The following MDGA2 variants were observed in gnomAD, a reference collection of about 807,000 sequenced individuals.
MDGA2 encodes MAM domain containing glycosylphosphatidylinositol anchor 2.
In MDGA2, 40 loss-of-function variants were observed where a neutral mutation model predicts 117.8. That is an observed-to-expected ratio of 0.34 (90% confidence interval 0.26 to 0.44). MDGA2 has a LOEUF of 0.44. MDGA2 is among the 20% of genes least tolerant of loss of function. MDGA2 has a pLI of 1.00. For missense variants in MDGA2, 1,123 were observed against 1,250.6 expected (o/e 0.90, Z 1.54); for synonymous variants, 452 against 439.0 (o/e 1.03, Z -0.37).
chr14:47,022,574 A>G (rs1888325247), intron 8 of MDGA2, among the ~76,000 whole-genome samples: 2 of 152,174 alleles, frequency 1.3e-5, no homozygotes, highest in African/African-American at 4.8e-5. Flanking sequence ...TTAGGAGTTG[A>G]AGACTGAAAT....
At position 47,272,928 on chromosome 14, in the gene MDGA2, C is replaced by T. The variant is rs2139708189; in HGVS notation, c.420+28483G>A. Among the ~76,000 whole-genome samples the T allele has an allele frequency of 1.3e-5, 2 of 152,206 alleles. 1 individual carries two copies. The highest frequency in any genetic ancestry group is 4.1e-4 in the South Asian group (2 of 4,824). On this transcript the variant is annotated intron_variant, in intron 2 of 16. Coordinates refer to ENST00000399232, the MANE Select transcript of MDGA2 (RefSeq NM_001113498.3). ...TTGGTTACTATAAAAAAATACAACT[C>T]CTTAGATGCAGGGAAATGCATAGGC...
At chr14:47,166,897 C>A (rs915373749) in intron 3 of MDGA2, among the ~76,000 whole-genome samples, 24 of 152,146 alleles carry the variant, frequency 1.6e-4, no homozygotes, top group African/African-American at 5.6e-4. Flanking sequence ...AACTGATAAA[C>A]AGGGCCTCCA....
chr14:47,177,349 C>A (rs1013441989), intron 3 of MDGA2, among the ~76,000 whole-genome samples: 3 of 152,140 alleles, frequency 2.0e-5, no homozygotes, highest in African/African-American at 7.2e-5. Context: ...GACACATGCA[C>A]ACGTATGTTT....
chr14:47,303,426 T>C (rs946762801), intron 1 of MDGA2, among the ~76,000 whole-genome samples: 2 of 152,178 alleles, frequency 1.3e-5, no homozygotes, highest in African/African-American at 4.8e-5. Context: ...TGTCTAGACA[T>C]TGTAATAATT....
intron 1 of MDGA2, among the ~76,000 whole-genome samples, chr14:47,660,043 T>C (rs1169283701): frequency 6.9e-6 from 1 of 145,516 alleles, no homozygotes; most frequent in East Asian, 2.0e-4. Context: ...TTCTCCATGC[T>C]TTTTTTTTTT....
intron 6 of MDGA2, among the ~76,000 whole-genome samples, chr14:47,065,165 TA>T (rs1476793092): frequency 1.3e-5 from 2 of 152,152 alleles, no homozygotes; most frequent in Admixed American, 6.5e-5. Flanking sequence ...CTGTTCTGGA[TA>T]ATCAGTTTGG....
At chr14:47,145,173 A>G (rs776396108) in intron 3 of MDGA2, among the ~76,000 whole-genome samples, 12 of 152,124 alleles carry the variant, frequency 7.9e-5, no homozygotes, top group Non-Finnish European at 1.6e-4. Context: ...ATTGGAACTA[A>G]TTATGTGTCA....
intron 1 of MDGA2, among the ~76,000 whole-genome samples, chr14:47,521,752 A>G (rs961372279): frequency 6.6e-6 from 1 of 151,888 alleles, no homozygotes; most frequent in Non-Finnish European, 1.5e-5. Context: ...GCTCACCACA[A>G]CCTCTTTCTC....
At chr14:47,350,802 A>G (rs1226215699) in intron 1 of MDGA2, among the ~76,000 whole-genome samples, 1 of 152,258 alleles carries the variant, frequency 6.6e-6, no homozygotes, top group Admixed American at 6.5e-5. Flanking sequence ...AGAGATTTCA[A>G]TACAAAGTTT....
intron 1 of MDGA2, among the ~76,000 whole-genome samples, chr14:47,672,986 G>C (rs868736663): frequency 6.6e-6 from 1 of 152,118 alleles, no homozygotes; most frequent in Non-Finnish European, 1.5e-5. Flanking sequence ...TCACCACCAC[G>C]AGACAAGTTG....
chr14:47,441,011 A>T (rs1893000187), intron 1 of MDGA2, among the ~76,000 whole-genome samples: 1 of 152,120 alleles, frequency 6.6e-6, no homozygotes, highest in South Asian at 2.1e-4. Context: ...ACAATACAGT[A>T]AGAGTGACAG....
intron 6 of MDGA2, among the ~76,000 whole-genome samples, chr14:47,065,450 T>G (rs2138808366): frequency 6.6e-6 from 1 of 152,252 alleles, no homozygotes; most frequent in South Asian, 2.1e-4. Context: ...TGTCAATGGT[T>G]CAATGGAAGA....
rs551101312 is a variant in MDGA2 at position 47,117,861 on chromosome 14, T to A, written c.925+13853A>T. 4.6e-4 allele frequency among the ~76,000 whole-genome samples: 70 copies of A among 152,288 alleles called. 2 individuals carry two copies. The highest frequency in any genetic ancestry group is 1.6e-3 in the African/African-American group (66 of 41,568). On this transcript the variant is annotated intron_variant, in intron 5 of 16. Coordinates refer to ENST00000399232, the MANE Select transcript of MDGA2 (RefSeq NM_001113498.3). ...ACATTGCAATTATAGTCAACAATAATGTACTGTGCACTTAAAACTTTAGAA... is the reference window on the plus strand; with the variant it reads ...ACATTGCAATTATAGTCAACAATAAAGTACTGTGCACTTAAAACTTTAGAA...
intron 1 of MDGA2, among the ~76,000 whole-genome samples, chr14:47,428,077 A>T (rs1038600715): frequency 6.6e-6 from 1 of 152,134 alleles, no homozygotes; most frequent in Non-Finnish European, 1.5e-5. Context: ...TCTGTTCACA[A>T]GGAAACTTTC....
At chr14:47,514,276 G>T (rs1328003811) in intron 1 of MDGA2, among the ~76,000 whole-genome samples, 1 of 151,976 alleles carries the variant, frequency 6.6e-6, no homozygotes, top group Non-Finnish European at 1.5e-5. Flanking sequence ...AAAGAGAGAT[G>T]GGCAATGCCC....
At chr14:47,661,613 A>G (rs1301719433) in intron 1 of MDGA2, among the ~76,000 whole-genome samples, 3 of 152,216 alleles carry the variant, frequency 2.0e-5, no homozygotes, top group Non-Finnish European at 2.9e-5. Flanking sequence ...TCTTCTGAAT[A>G]TGCAAGTGAT....
chr14:47,024,768 T>C (rs1412810395), intron 8 of MDGA2, among the ~76,000 whole-genome samples: 2 of 152,184 alleles, frequency 1.3e-5, no homozygotes, highest in Admixed American at 1.3e-4. Flanking sequence ...TAATGGTATA[T>C]AATCAAGGAG....
intron 1 of MDGA2, among the ~76,000 whole-genome samples, chr14:47,566,806 C>T (rs960380534): frequency 7.2e-5 from 11 of 151,998 alleles, no homozygotes; most frequent in Non-Finnish European, 1.5e-4. Flanking sequence ...ACTCTCAATG[C>T]CTTCCGTGTG....
At chr14:47,548,700 G>T (rs1028998799) in intron 1 of MDGA2, among the ~76,000 whole-genome samples, 2 of 152,056 alleles carry the variant, frequency 1.3e-5, no homozygotes, top group African/African-American at 4.8e-5. Context: ...TCAGTCAAGG[G>T]TGAGAAATTA....
Sources: allele counts gnomAD v4.1 joint callset (sites outside exome capture counted in the v4.1 genomes callset), GRCh38; gene constraint gnomAD v4.1.1; transcripts MANE v1.5; gene names NCBI Gene and HGNC (gene_info 2026-07-23, HGNC 2026-07-21).